Variants in BTAF1 observed in about 807,000 individuals in gnomAD.
The protein encoded by BTAF1 is B-TFIID TATA-box binding protein associated factor 1.
Under a neutral mutation model 227.1 loss-of-function variants are expected in BTAF1, and 38 were observed. The observed-to-expected ratio is 0.17, with a 90% CI of 0.13 to 0.22. The LOEUF is 0.22. BTAF1 is among the 10% of genes least tolerant of loss of function. BTAF1 has a pLI of 1.00. For missense variants in BTAF1, 1,598 were observed against 2,204.0 expected, an observed-to-expected ratio of 0.73 and a Z score of 5.51; for synonymous variants, 742 against 751.9, an observed-to-expected ratio of 0.99 and a Z score of 0.21.
chr10:91,986,706 C>T (rs1384076368), intron 19 of BTAF1, among the ~76,000 whole-genome samples: 4 of 152,112 alleles, frequency 2.6e-5, no homozygotes, highest in African/African-American at 9.7e-5. Context: ...CCTACTATTT[C>T]TGGGAACTTT....
In BTAF1 at chr10:92,014,044, G is replaced by A. The variant is rs761915014; in HGVS notation, c.4584+15G>A. 8 of 1,600,282 alleles carry A rather than the reference G, an allele frequency of 5.0e-6. No individual in the cohort carries two copies. Among genetic ancestry groups the A allele is most frequent in the Non-Finnish European group, 6.8e-6 (8 of 1,175,348 alleles). Reference sequence around the variant, plus strand: ...GTCCTCTCCAGGTTAGGAATCTCGTGTTTATCATTGTTAGTGGTATGTTTA... The same window carrying A: ...GTCCTCTCCAGGTTAGGAATCTCGTATTTATCATTGTTAGTGGTATGTTTA... On this transcript the variant is annotated intron_variant, in intron 32 of 37. Coordinates refer to ENST00000265990, the MANE Select transcript of BTAF1 (RefSeq NM_003972.3).
intron 3 of BTAF1, 99 bp downstream of exon 3, chr10:91,940,165 T>A: frequency 1.4e-6 from 1 of 714,372 alleles, no homozygotes; most frequent in African/African-American, 1.8e-5. Context: ...TTTAAAGTCT[T>A]AATTTCCATG....
intron 22 of BTAF1, 70 bp from the exon 23 acceptor site, chr10:91,994,465 T>C: frequency 2.5e-6 from 3 of 1,184,052 alleles, no homozygotes; most frequent in Non-Finnish European, 3.7e-6. Flanking sequence ...GAAAAAGTGC[T>C]AAAAGTTTTT....
intron 19 of BTAF1, among the ~76,000 whole-genome samples, chr10:91,985,639 A>G (rs887262892): frequency 2.0e-5 from 3 of 152,224 alleles, no homozygotes; most frequent in East Asian, 1.9e-4. Flanking sequence ...CACATCATCA[A>G]TATTTGATGT....
chr10:91,930,645 A>C (rs557520946), intron 1 of BTAF1, among the ~76,000 whole-genome samples: 23 of 152,332 alleles, frequency 1.5e-4, no homozygotes, highest in Admixed American at 3.9e-4. Flanking sequence ...ATTTGTTGGA[A>C]GTTGTTTCTT....
chr10:92,013,649 TG>T lies in BTAF1; in HGVS notation c.4312-16del. On this transcript the variant is annotated splice_polypyrimidine_tract_variant and intron_variant, in intron 30 of 37. Transcript: ENST00000265990. ...AAATAATCCCAGTACAAAAGATAATTGGTGTTCCTGTTTACAGAACAACGTT... is the reference window on the plus strand; with the variant it reads ...AAATAATCCCAGTACAAAAGATAATTGTGTTCCTGTTTACAGAACAACGTT... The T allele has an allele frequency of 6.2e-7, 1 of 1,613,948 alleles. No individual in the cohort carries two copies. Among genetic ancestry groups the T allele is most frequent in the Non-Finnish European group, 8.5e-7 (1 of 1,179,932 alleles).
chr10:91,971,532 G>T (rs1008575371), intron 14 of BTAF1, among the ~76,000 whole-genome samples: 9 of 148,930 alleles, frequency 6.0e-5, no homozygotes, highest in African/African-American at 2.2e-4. Flanking sequence ...GAGTGCAACG[G>T]CATGATCTTG....
In BTAF1 at chr10:92,026,771, C is replaced by G. The variant is rs1450035971; in HGVS notation, c.5235+20C>G. On this transcript the variant is annotated intron_variant, in intron 36 of 37. Coordinates refer to ENST00000265990, the MANE Select transcript of BTAF1 (RefSeq NM_003972.3). ...GGGCAGGTAAAAGTCAATTTTACCT[C>G]ACAGATGTTAACCTGTGCATGAAAA... The G allele has an allele frequency of 6.2e-7, 1 of 1,606,262 alleles. No homozygotes were observed. The highest frequency in any genetic ancestry group is 8.5e-7 in the Non-Finnish European group (1 of 1,175,914).
intron 5 of BTAF1, 143 bp from the exon 6 acceptor site, chr10:91,953,594 A>G (rs1845908073): frequency 5.5e-6 from 5 of 910,066 alleles, no homozygotes; most frequent in Non-Finnish European, 8.2e-6. Flanking sequence ...GTCATACAAC[A>G]AAAGAGTGTG....
At chr10:91,986,961 C>T (rs1848435484) in intron 19 of BTAF1, among the ~76,000 whole-genome samples, 1 of 152,050 alleles carries the variant, frequency 6.6e-6, no homozygotes, top group Non-Finnish European at 1.5e-5. Flanking sequence ...AGACATTTCC[C>T]TGCGATCTTT....
intron 14 of BTAF1, among the ~76,000 whole-genome samples, chr10:91,978,598 A>C (rs1188103739): frequency 6.6e-6 from 1 of 152,106 alleles, no homozygotes; most frequent in African/African-American, 2.4e-5. Context: ...GGATTTCTGC[A>C]ATTTCAGTTA....
chr10:92,013,184 T>G (rs1370537312), intron 30 of BTAF1, among the ~76,000 whole-genome samples: 3 of 152,222 alleles, frequency 2.0e-5, no homozygotes, highest in Non-Finnish European at 2.9e-5. Context: ...TTTTCTTTTT[T>G]TCCATGAAAC....
In BTAF1 at chr10:92,013,798, G is replaced by A. The variant is rs1339026691; in HGVS notation, c.4443G>A (p.Glu1481=). The A allele has an allele frequency of 1.2e-6, 2 of 1,613,990 alleles. No homozygotes were observed. Among genetic ancestry groups the A allele is most frequent in the Admixed American group, 3.3e-5 (2 of 60,030 alleles). Reference sequence around the variant, plus strand: ...GGGATGCTCGAAGCTCCAGTCGAGAGCAAGAAGCAGGTATGAAAGAGATAT... The same window carrying A: ...GGGATGCTCGAAGCTCCAGTCGAGAACAAGAAGCAGGTATGAAAGAGATAT... ...ASRDARSSSR[E]QEAGVLAMDA... The change falls in exon 31 of 38, where the codon GAG becomes GAA. Residue 1481 remains glutamate (E), a synonymous_variant. Transcript: ENST00000265990.
chr10:91,956,747 TG>T, intron 7 of BTAF1, 90 bp downstream of exon 7: 1 of 1,423,522 alleles, frequency 7.0e-7, no homozygotes, highest in Non-Finnish European at 9.5e-7. Flanking sequence ...CCCAGCACTT[TG>T]GGAGGTCGAG....
chr10:91,958,348 G>A (rs930917576), intron 8 of BTAF1, among the ~76,000 whole-genome samples: 12 of 152,030 alleles, frequency 7.9e-5, no homozygotes, highest in Non-Finnish European at 1.3e-4. Flanking sequence ...GAGCCACCTC[G>A]CCCAGCCTGG....
At chr10:91,950,156 G>GGT (rs1845663121) in intron 4 of BTAF1, among the ~76,000 whole-genome samples, 2 of 39,564 alleles carry the variant, frequency 5.1e-5, no homozygotes, top group Non-Finnish European at 1.5e-4. Flanking sequence ...TGTGGGGGGG[G>GGT]GCGGGAAAGA....
At chr10:92,025,061 G>A in intron 35 of BTAF1, 94 bp downstream of exon 35, 1 of 1,088,026 alleles carries the variant, frequency 9.2e-7, no homozygotes, top group Non-Finnish European at 1.3e-6. Context: ...CTAAATATCT[G>A]CAAATGCATT....
At chr10:91,966,859 A>C in intron 14 of BTAF1, 102 bp downstream of exon 14, 2 of 1,123,936 alleles carry the variant, frequency 1.8e-6, no homozygotes, top group Admixed American at 2.6e-5. Flanking sequence ...AAAGATCAGG[A>C]CAATGTTGGG....
At chr10:91,931,185 A>G (rs1313687806) in intron 1 of BTAF1, among the ~76,000 whole-genome samples, 3 of 152,124 alleles carry the variant, frequency 2.0e-5, no homozygotes, top group Admixed American at 1.3e-4. Flanking sequence ...CTCTACTACT[A>G]TGTACTCTTT....
Sources: gnomAD v4.1 joint callset for allele counts (sites outside exome capture counted in the v4.1 genomes callset) on GRCh38, gnomAD v4.1.1 for gene constraint, MANE v1.5 for transcripts, NCBI Gene and HGNC (gene_info 2026-07-23, HGNC 2026-07-21) for gene names.